ADGRL2: variants seen among roughly 807,000 people sequenced by gnomAD.
ADGRL2 encodes adhesion G protein-coupled receptor L2, also known as calcium-independent alpha-latrotoxin receptor 2.
Under a neutral mutation model 157.4 loss-of-function variants are expected in ADGRL2, and 44 were observed. The observed-to-expected ratio is 0.28, with a 90% CI of 0.22 to 0.36. The LOEUF (loss-of-function observed/expected upper bound fraction) is 0.36, where lower values mean the gene tolerates loss of function less well. Among genes scored for constraint, ADGRL2 ranks in the 10% least tolerant of loss-of-function variants. The pLI, the probability that ADGRL2 is intolerant of heterozygous loss-of-function variation, is 1.00. For missense variants in ADGRL2, 1,510 were observed against 1,768.9 expected (o/e 0.85, Z 2.63); for synonymous variants, 585 against 624.7 (o/e 0.94, Z 0.95).
chr1:81,489,230 C>CT (rs1466157941), intron 2 of ADGRL2, among the ~76,000 whole-genome samples: 2 of 138,008 alleles, frequency 1.4e-5, no homozygotes, highest in South Asian at 4.5e-4. Flanking sequence ...GAGGGAGACT[C>CT]TGTCTCAAAA....
At chr1:81,763,894 T>A (rs1185893194) in intron 2 of ADGRL2, among the ~76,000 whole-genome samples, 1 of 151,844 alleles carries the variant, frequency 6.6e-6, no homozygotes, top group Non-Finnish European at 1.5e-5. Flanking sequence ...TAATCCCAGC[T>A]ACTCCAGAGG....
intron 2 of ADGRL2, among the ~76,000 whole-genome samples, chr1:81,780,568 T>C (rs1187259877): frequency 6.6e-6 from 1 of 152,214 alleles, no homozygotes; most frequent in Non-Finnish European, 1.5e-5. Context: ...TTCTTTTCCT[T>C]AGGTCAGTAA....
intron 15 of ADGRL2, among the ~76,000 whole-genome samples, chr1:81,969,612 TTTTA>T (rs1222754173): frequency 1.3e-5 from 2 of 152,304 alleles, no homozygotes; most frequent in Non-Finnish European, 1.5e-5. Flanking sequence ...TTTTCTGTGT[TTTTA>T]TTAAGACATA....
rs1255626697 is a variant in ADGRL2, at chr1:81,561,026, TC to T, written c.-247-19848del. Among the ~76,000 whole-genome samples, 3 of 152,282 alleles carry T rather than the reference TC, an allele frequency of 2.0e-5. No homozygotes were observed. The East Asian group carries it at 5.8e-4, about 29-fold the overall frequency. ...CCTCCAGATGTTTATTGGGATGATT[TC>T]CTCACCTCTTTTGAGTTTTTGCTCA... On this transcript the variant is annotated intron_variant, in intron 2 of 24. Transcript: ENST00000370721.
At chr1:81,322,383 A>C (rs1216136725) in intron 1 of ADGRL2, among the ~76,000 whole-genome samples, 1 of 152,010 alleles carries the variant, frequency 6.6e-6, no homozygotes, top group Non-Finnish European at 1.5e-5. Context: ...CTTAGGAATA[A>C]AGGTAACAGG....
Position 81,720,179 on chromosome 1 carries a change from C to CTTT in ADGRL2, c.-143+20373_-143+20375dup, listed in dbSNP as rs370916970. 3.6e-4 allele frequency among the ~76,000 whole-genome samples: 50 copies of CTTT among 138,886 alleles called. 1 individual carries two copies. Among genetic ancestry groups the CTTT allele is most frequent in the African/African-American group, 4.5e-4 (17 of 37,856 alleles). The allele number at this position is 138,886 out of a possible 152,430, so 91.1% of individuals were successfully genotyped here. On this transcript the variant is annotated intron_variant, in intron 1 of 20. Transcript: ENST00000359929. Reference sequence around the variant, plus strand: ...TGAAATTAAAAGCATTCCTTTTTTTCTTTTCTTTTTTTTTTTTTTTTGAGA... The same window carrying CTTT: ...TGAAATTAAAAGCATTCCTTTTTTTCTTTTTTTCTTTTTTTTTTTTTTTTGAGA...
intron 2 of ADGRL2, among the ~76,000 whole-genome samples, chr1:81,536,342 GA>G (rs1157251897): frequency 6.6e-6 from 1 of 152,076 alleles, no homozygotes; most frequent in Non-Finnish European, 1.5e-5. Context: ...AAGAGCCGTT[GA>G]AGAAAAACAA....
At chr1:81,314,697 A>T (rs888607901) in intron 1 of ADGRL2, among the ~76,000 whole-genome samples, 1 of 152,160 alleles carries the variant, frequency 6.6e-6, no homozygotes, top group Non-Finnish European at 1.5e-5. Flanking sequence ...CTCTTTAATG[A>T]GATAAAATAG....
intron 3 of ADGRL2, among the ~76,000 whole-genome samples, chr1:81,914,734 G>A (rs566355378): frequency 5.9e-5 from 9 of 152,242 alleles, no homozygotes; most frequent in African/African-American, 2.2e-4. Context: ...TGGCCTAGTT[G>A]TTTCAAGACA....
intron 1 of ADGRL2, among the ~76,000 whole-genome samples, chr1:81,808,942 TGAAAG>T (rs2089508918): frequency 6.6e-6 from 1 of 152,034 alleles, no homozygotes; most frequent in African/African-American, 2.4e-5. Context: ...GGAAAATAGT[TGAAAG>T]GGGAGGACAA....
At position 81,715,178 on chromosome 1, in the gene ADGRL2, A is replaced by ATTT. The variant is rs1553144183; in HGVS notation, c.-143+15370_-143+15371insTTT. Among the ~76,000 whole-genome samples the ATTT allele has an allele frequency of 8.0e-4, 50 of 62,670 alleles. No homozygotes were observed. In the South Asian group the frequency reaches 8.2e-3, roughly 10 times the overall value. 41.1% of individuals were successfully genotyped at this position (62,670 alleles called of 152,430 possible). On this transcript the variant is annotated intron_variant, in intron 1 of 20. Transcript: ENST00000359929. ...TTTTCTAGAGGAAGCTAATTTAGTAAATTTTTTTTTTTTTTTTGGTAAAAT... is the reference window on the plus strand; with the variant it reads ...TTTTCTAGAGGAAGCTAATTTAGTAATTTATTTTTTTTTTTTTTTTGGTAAAAT...
At chr1:81,951,308 G>A (rs1192601881) in intron 8 of ADGRL2, among the ~76,000 whole-genome samples, 187 bp downstream of exon 8, 9 of 152,076 alleles carry the variant, frequency 5.9e-5, no homozygotes, top group Admixed American at 4.6e-4. Context: ...GGGGTATCCT[G>A]TTCTCTATGT....
chr1:81,318,230 A>T (rs186806082), intron 1 of ADGRL2, among the ~76,000 whole-genome samples: 1 of 152,314 alleles, frequency 6.6e-6, no homozygotes, highest in Non-Finnish European at 1.5e-5. Flanking sequence ...CAGCTGAATA[A>T]GTAAATAGTT....
intron 3 of ADGRL2, among the ~76,000 whole-genome samples, chr1:81,634,532 TTTG>T (rs2082078866): frequency 6.6e-6 from 1 of 151,452 alleles, no homozygotes. Flanking sequence ...TTTTGGTTTT[TTTG>T]TTTGTTTGTT....
chr1:81,358,292 T>A (rs1663461892), intron 1 of ADGRL2, among the ~76,000 whole-genome samples: 1 of 152,166 alleles, frequency 6.6e-6, no homozygotes, highest in Non-Finnish European at 1.5e-5. Context: ...CCACATCATG[T>A]GAATAAGGTG....
At chr1:81,868,552 G>A (rs978266409) in intron 2 of ADGRL2, among the ~76,000 whole-genome samples, 3 of 151,890 alleles carry the variant, frequency 2.0e-5, no homozygotes, top group Admixed American at 2.0e-4. Context: ...TCCTTTAAAC[G>A]TTTCAGTGTC....
chr1:81,309,296 T>G (rs1007598477), intron 1 of ADGRL2, among the ~76,000 whole-genome samples: 1 of 152,140 alleles, frequency 6.6e-6, no homozygotes, highest in Non-Finnish European at 1.5e-5. Flanking sequence ...CCCAATGGAT[T>G]TTGCTTTATA....
chr1:81,754,590 TTTTCTTTTCTTTCTCCC>T (rs1406929701), intron 1 of ADGRL2, among the ~76,000 whole-genome samples: 1 of 139,558 alleles, frequency 7.2e-6, no homozygotes, highest in East Asian at 3.2e-4. Flanking sequence ...TCTTTCTTTC[TTTTCTTTTCTTTCTCCC>T]TTTCTTTTCT....
At chr1:81,930,517 T>C (rs906293286) in intron 3 of ADGRL2, among the ~76,000 whole-genome samples, 1 of 152,202 alleles carries the variant, frequency 6.6e-6, no homozygotes, top group African/African-American at 2.4e-5. Context: ...CTGTTTGTAA[T>C]ACTTTCACCT....
Sources: allele counts gnomAD v4.1 joint callset (sites outside exome capture counted in the v4.1 genomes callset), GRCh38; gene constraint gnomAD v4.1.1; transcripts MANE v1.5; gene names NCBI Gene and HGNC (gene_info 2026-07-23, HGNC 2026-07-21).